The following CBLB variants were observed in gnomAD, a reference collection of about 807,000 sequenced individuals.
The protein encoded by CBLB is E3 ubiquitin-protein ligase CBL-B.
Under a neutral mutation model 104.9 loss-of-function variants are expected in CBLB, and 31 were observed. The observed-to-expected ratio is 0.30, with a 90% confidence interval of 0.22 to 0.40. The LOEUF is 0.40. CBLB is among the 10% of genes least tolerant of loss of function. The pLI, the probability that CBLB is intolerant of heterozygous loss-of-function variation, is 1.00. For synonymous variants in CBLB, 440 were observed against 422.6 expected (o/e 1.04, Z -0.51); for missense variants, 1,062 against 1,214.6 (o/e 0.87, Z 1.87).
rs1213443450 is a variant in CBLB, at chr3:105,704,171, G to A, written c.1410C>T (p.Cys470=). 16 of 1,613,820 alleles carry A rather than the reference G, an allele frequency of 9.9e-6. No individual in the cohort carries two copies. The highest frequency in any genetic ancestry group is 1.7e-5 in the Admixed American group (1 of 60,012). The stretch of plus-strand genomic sequence containing the variant: ...TGACTGGTGAGTTCTGCCTGTCAGT[G>A]CACTAGAACAGAAAAAGAGAAAGAT... ...MMNRLANVRK[C]TDRQNSPVTS... is the part of the protein sequence containing the mutation. Residue 470 remains cysteine (C), a splice_region_variant and synonymous_variant, in exon 11 of 19, where the codon TGC becomes TGT. Coordinates refer to ENST00000394030, the MANE Select transcript of CBLB (RefSeq NM_170662.5).
At chr3:105,802,166 C>T (rs2082953384) in intron 3 of CBLB, among the ~76,000 whole-genome samples, 1 of 152,178 alleles carries the variant, frequency 6.6e-6, no homozygotes, top group Non-Finnish European at 1.5e-5. Context: ...TCCTGGATGT[C>T]AGATTCTTTT....
At chr3:105,866,574 CA>C (rs1285488022) in intron 2 of CBLB, among the ~76,000 whole-genome samples, 3 of 152,150 alleles carry the variant, frequency 2.0e-5, no homozygotes, top group Non-Finnish European at 4.4e-5. Context: ...TTAATTTTTG[CA>C]AAGCAGCAAG....
chr3:105,722,325 C>T (rs1004965850), intron 9 of CBLB, among the ~76,000 whole-genome samples: 1 of 151,506 alleles, frequency 6.6e-6, no homozygotes, highest in Admixed American at 6.6e-5. Context: ...TAGTCTCATA[C>T]ATTTAAAAAA....
At chr3:105,671,569 G>C (rs1438412923) in intron 17 of CBLB, 1 of 209,084 alleles carries the variant, frequency 4.8e-6, no homozygotes, top group Non-Finnish European at 9.7e-6. Context: ...AAGAAGACCC[G>C]ATTGAATTTC....
At chr3:105,712,420 T>C (rs1359037406) in intron 10 of CBLB, among the ~76,000 whole-genome samples, 2 of 152,094 alleles carry the variant, frequency 1.3e-5, no homozygotes, top group Non-Finnish European at 2.9e-5. Context: ...TGACATATAA[T>C]TCAGAAATAT....
intron 3 of CBLB, among the ~76,000 whole-genome samples, chr3:105,796,967 GA>G (rs2082317734): frequency 6.6e-6 from 1 of 152,154 alleles, no homozygotes; most frequent in Non-Finnish European, 1.5e-5. Context: ...TGAGAAAAGG[GA>G]ACACTTATAC....
chr3:105,662,732 TA>T (rs2063910772), intron 18 of CBLB, among the ~76,000 whole-genome samples: 1 of 152,204 alleles, frequency 6.6e-6, no homozygotes, highest in Non-Finnish European at 1.5e-5. Context: ...CTCTTTTACC[TA>T]ATGTCCCAGC....
At chr3:105,660,886 A>G (rs1205248451) in intron 18 of CBLB, among the ~76,000 whole-genome samples, 1 of 152,174 alleles carries the variant, frequency 6.6e-6, no homozygotes, top group Non-Finnish European at 1.5e-5. Flanking sequence ...ATACAATTAT[A>G]GCAATATCAA....
chr3:105,843,722 T>C (rs1284905966), intron 3 of CBLB, among the ~76,000 whole-genome samples: 1 of 152,142 alleles, frequency 6.6e-6, no homozygotes, highest in African/African-American at 2.4e-5. Context: ...TAACCATGCA[T>C]TACACACCTG....
intron 2 of CBLB, among the ~76,000 whole-genome samples, chr3:105,859,846 T>C (rs2091954521): frequency 6.6e-6 from 1 of 152,018 alleles, no homozygotes; most frequent in South Asian, 2.1e-4. Flanking sequence ...ATTATAAAAA[T>C]GTATTTTACT....
intron 3 of CBLB, among the ~76,000 whole-genome samples, chr3:105,816,495 C>T (rs191475166): frequency 6.6e-6 from 1 of 152,250 alleles, no homozygotes; most frequent in African/African-American, 2.4e-5. Context: ...GGTACATTAA[C>T]AGAACTCTCA....
chr3:105,685,175 C>G (rs778491202), intron 14 of CBLB, 145 bp downstream of exon 14: 4 of 727,644 alleles, frequency 5.5e-6, no homozygotes, highest in Non-Finnish European at 9.4e-6. Context: ...AAAAGTAATG[C>G]TGGAAATGGT....
In CBLB at chr3:105,749,181, C is replaced by T. The variant is rs189916405; in HGVS notation, c.723+2281G>A. 2.4e-3 allele frequency among the ~76,000 whole-genome samples: 372 copies of T among 152,168 alleles called. 3 individuals are homozygous for T. The highest frequency in any genetic ancestry group is 3.0e-3 in the African/African-American group (125 of 41,500). ...TTTATCATATTTTAAGGCACACATA[C>T]GATTATATTCAAAGCATTTGATTAC... is the stretch of plus-strand genomic sequence containing the variant. On this transcript the variant is annotated intron_variant, in intron 5 of 18. Transcript: ENST00000394030.
chr3:105,795,622 C>T (rs774183154), intron 3 of CBLB, among the ~76,000 whole-genome samples: 1 of 152,184 alleles, frequency 6.6e-6, no homozygotes, highest in South Asian at 2.1e-4. Context: ...CAAAACTTGT[C>T]GCCCAAAGCT....
intron 3 of CBLB, among the ~76,000 whole-genome samples, chr3:105,836,488 C>A (rs539480480): frequency 2.7e-4 from 41 of 152,140 alleles, no homozygotes; most frequent in Non-Finnish European, 4.6e-4. Context: ...ACCATGAGCA[C>A]CCCGCAGAGG....
At chr3:105,853,376 T>C (rs752407203) in intron 3 of CBLB, 38 bp downstream of exon 3, 3 of 1,605,126 alleles carry the variant, frequency 1.9e-6, no homozygotes, top group African/African-American at 2.7e-5. Context: ...GCAACATAAA[T>C]GACCTTTACA....
intron 3 of CBLB, among the ~76,000 whole-genome samples, chr3:105,830,931 A>T (rs1255042557): frequency 6.6e-6 from 1 of 152,210 alleles, no homozygotes; most frequent in Non-Finnish European, 1.5e-5. Flanking sequence ...CAAAATTATA[A>T]TTCAGTGACA....
intron 3 of CBLB, among the ~76,000 whole-genome samples, chr3:105,798,479 A>G (rs963830471): frequency 6.6e-6 from 1 of 152,202 alleles, no homozygotes; most frequent in African/African-American, 2.4e-5. Flanking sequence ...AAATGTTGGC[A>G]CGTTACATTA....
chr3:105,718,071 CTTAAG>C (rs2072187211), intron 10 of CBLB, among the ~76,000 whole-genome samples: 1 of 152,068 alleles, frequency 6.6e-6, no homozygotes, highest in Non-Finnish European at 1.5e-5. Context: ...CCACGTCTTC[CTTAAG>C]TTAACTTTGT....
Sources: allele counts gnomAD v4.1 joint callset (sites outside exome capture counted in the v4.1 genomes callset), GRCh38; gene constraint gnomAD v4.1.1; transcripts MANE v1.5; gene names NCBI Gene and HGNC (gene_info 2026-07-23, HGNC 2026-07-21).